The following LUC7L3 variants were observed in gnomAD, a reference collection of about 807,000 sequenced individuals.
The protein encoded by LUC7L3 is luc7-like protein 3.
A neutral mutation model predicts 66.8 loss-of-function variants in LUC7L3; 6 were observed. That is an observed-to-expected ratio of 0.09 (90% CI 0.05 to 0.18). LUC7L3 has a LOEUF of 0.18. Ranked by LOEUF, LUC7L3 falls within the 10% of genes least tolerant of loss-of-function variation. The probability of loss-of-function intolerance (pLI) is 1.00; values close to 1 mark genes in which losing one functional copy is unlikely to be tolerated. For missense variants in LUC7L3, 341 were observed against 531.1 expected, an observed-to-expected ratio of 0.64 and a Z score of 3.52; for synonymous variants, 160 against 174.7, an observed-to-expected ratio of 0.92 and a Z score of 0.66.
intron 1 of LUC7L3, among the ~76,000 whole-genome samples, chr17:50,728,403 T>C (rs959723233): frequency 3.3e-5 from 5 of 152,254 alleles, no homozygotes; most frequent in African/African-American, 1.2e-4. Flanking sequence ...ATAAATTCTT[T>C]TATTAAAAAT....
In LUC7L3 at chr17:50,724,611, TTGTGTGTGTGTG is replaced by T. The variant is rs58361696; in HGVS notation, c.99+4804_99+4815del. Among the ~76,000 whole-genome samples the T allele has an allele frequency of 2.8e-3, 406 of 147,266 alleles. 2 individuals are homozygous for T. Among genetic ancestry groups the T allele is most frequent in the South Asian group, 8.9e-3 (40 of 4,510 alleles). On this transcript the variant is annotated intron_variant, in intron 1 of 9. Coordinates refer to ENST00000505658, the MANE Select transcript of LUC7L3 (RefSeq NM_016424.5). ...TAAATCTTTGGTTGCTTTAGGAAAA[TTGTGTGTGTGTG>T]TGTGTGTGTGTGTGTGTGTGTGTCA...
In LUC7L3 at chr17:50,751,114, A is replaced by T; in HGVS notation, c.*453A>T. On this transcript the variant is annotated 3_prime_UTR_variant, in exon 10 of 10. Coordinates refer to ENST00000505658, the MANE Select transcript of LUC7L3 (RefSeq NM_016424.5). ...AAAAACTTAAATATTTCGGAGGCAC[A>T]TGTTGGACTACTTTGTTTTAATTAA... 2 of 1,452,010 alleles carry T rather than the reference A, an allele frequency of 1.4e-6. No individual in the cohort carries two copies. The highest frequency in any genetic ancestry group is 1.8e-6 in the Non-Finnish European group (2 of 1,110,874). 89.9% of individuals were successfully genotyped at this position (1,452,010 alleles called of 1,614,324 possible).
In LUC7L3 at chr17:50,755,463, TAAAAAG is replaced by T. The variant is rs1161060882; in HGVS notation, c.*4803_*4808del. 1 of 152,288 alleles carries T rather than the reference TAAAAAG, an allele frequency of 6.6e-6. No homozygotes were observed. Among genetic ancestry groups the T allele is most frequent in the Non-Finnish European group, 1.5e-5 (1 of 68,042 alleles). The allele number at this position is 152,288 out of a possible 1,614,324, so 9.4% of individuals were successfully genotyped here. A position where few individuals can be genotyped will look rare whatever the true frequency, so the allele number is the denominator to read the frequency against. ...CACTTTTAAGTTGAACCTGTAGTTT[TAAAAAG>T]TACATTTCAAGTAAGCCAAAGCAGA... On this transcript the variant is annotated 3_prime_UTR_variant, in exon 10 of 10. Transcript: ENST00000505658.
rs1267141078 is a variant in LUC7L3 at position 50,755,740 on chromosome 17, A to T, written c.*5079A>T. The T allele has an allele frequency of 6.6e-6, 1 of 152,246 alleles. No individual in the cohort carries two copies. The allele number at this position is 152,246 out of a possible 1,614,324, so 9.4% of individuals were successfully genotyped here. A position where few individuals can be genotyped will look rare whatever the true frequency, so the allele number is the denominator to read the frequency against. ...ACATACCCTAGAGAAACTCTTACAC[A>T]TGCGTACCAGGGGATGGATTTAAGC... On this transcript the variant is annotated 3_prime_UTR_variant, in exon 10 of 10. Coordinates refer to ENST00000505658, the MANE Select transcript of LUC7L3 (RefSeq NM_016424.5).
At chr17:50,736,695 G>GTT (rs2146734118) in intron 1 of LUC7L3, 1 of 354,126 alleles carries the variant, frequency 2.8e-6, no homozygotes, top group Non-Finnish European at 5.1e-6. Context: ...TCCCATATTT[G>GTT]TTTTTGCTAC....
In LUC7L3 at chr17:50,751,145, T is replaced by C; in HGVS notation, c.*484T>C. The C allele has an allele frequency of 6.8e-7, 1 of 1,474,146 alleles. No individual in the cohort carries two copies. The highest frequency in any genetic ancestry group is 8.9e-7 in the Non-Finnish European group (1 of 1,118,714). The allele number at this position is 1,474,146 out of a possible 1,614,324, so 91.3% of individuals were successfully genotyped here. A position where few individuals can be genotyped will look rare whatever the true frequency, so the allele number is the denominator to read the frequency against. On this transcript the variant is annotated 3_prime_UTR_variant, in exon 10 of 10. Coordinates refer to ENST00000505658, the MANE Select transcript of LUC7L3 (RefSeq NM_016424.5). ...GACTACTTTGTTTTAATTAAACTGCTAGTATTTCTTTGTCAAGGATGTTTC... is the reference window on the plus strand; with the variant it reads ...GACTACTTTGTTTTAATTAAACTGCCAGTATTTCTTTGTCAAGGATGTTTC...
At position 50,754,622 on chromosome 17, in the gene LUC7L3, TATC is replaced by T. The variant is rs1276407862; in HGVS notation, c.*3964_*3966del. The T allele has an allele frequency of 6.6e-6, 1 of 152,224 alleles. No individual in the cohort carries two copies. Among genetic ancestry groups the T allele is most frequent in the Admixed American group, 6.5e-5 (1 of 15,286 alleles). The allele number at this position is 152,224 out of a possible 1,614,324, so 9.4% of individuals were successfully genotyped here. On this transcript the variant is annotated 3_prime_UTR_variant, in exon 10 of 10. Coordinates refer to ENST00000505658, the MANE Select transcript of LUC7L3 (RefSeq NM_016424.5). ...TCCTCTGGAATGTAGAGATAATACA[TATC>T]ATGCTCCTTTTTGTTAAAACGTTTT...
At position 50,745,886 on chromosome 17, in the gene LUC7L3, G is replaced by C; in HGVS notation, c.860G>C (p.Arg287Thr). Residue 287 changes from arginine to threonine, a missense_variant, in exon 8 of 10, where the codon AGA becomes ACA. Arg to Thr is a moderately conservative substitution (Grantham distance 71). This residue lies in a region of LUC7L3 where 210 missense variants were observed against 238.1 expected (regional missense o/e 0.88). Coordinates refer to ENST00000505658, the MANE Select transcript of LUC7L3 (RefSeq NM_016424.5). ...EEREKERARD[R>T]ERRKRSRSRS... Reference sequence around the variant, plus strand: ...AGAGAAAAAGAAAGGGCTCGTGACAGAGAAAGAAGAAAGAGAAGTCGTTCA... The same window carrying C: ...AGAGAAAAAGAAAGGGCTCGTGACACAGAAAGAAGAAAGAGAAGTCGTTCA... 1.2e-6 allele frequency: 2 copies of C among 1,611,510 alleles called. No individual in the cohort carries two copies. Among genetic ancestry groups the C allele is most frequent in the Non-Finnish European group, 1.7e-6 (2 of 1,178,538 alleles).
At chr17:50,749,507 C>G (rs1326782378) in intron 9 of LUC7L3, among the ~76,000 whole-genome samples, 2 of 152,068 alleles carry the variant, frequency 1.3e-5, no homozygotes, top group Admixed American at 1.3e-4. Context: ...GAGTGGGTGC[C>G]CCTCCCATAC....
In LUC7L3 at chr17:50,744,654, A is replaced by C; in HGVS notation, c.534A>C (p.Thr178=). 6.2e-7 allele frequency: 1 copy of C among 1,608,226 alleles called. No individual in the cohort carries two copies. The highest frequency in any genetic ancestry group is 8.5e-7 in the Non-Finnish European group (1 of 1,178,472). The stretch of plus-strand genomic sequence containing the variant: ...AAATAACTGATTTATCATTTTAGAC[A>C]ATTGAAAGCTTTGCTGCACAAGAAA... ...ERELLRSTTS[T]IESFAAQEKQ... The change falls in exon 7 of 10, where the codon ACA becomes ACC. Residue 178 remains threonine, a splice_region_variant and synonymous_variant. Transcript: ENST00000505658.
At chr17:50,737,909 T>A (rs564935594) in intron 2 of LUC7L3, among the ~76,000 whole-genome samples, 2 of 152,320 alleles carry the variant, frequency 1.3e-5, no homozygotes, top group African/African-American at 4.8e-5. Flanking sequence ...ATAACCAGGA[T>A]CATTCTGGAT....
At chr17:50,735,426 G>A (rs188314868) in intron 1 of LUC7L3, among the ~76,000 whole-genome samples, 1 of 152,120 alleles carries the variant, frequency 6.6e-6, no homozygotes, top group Non-Finnish European at 1.5e-5. Flanking sequence ...AGAACTTTCA[G>A]GTTTAAATTT....
At position 50,751,339 on chromosome 17, in the gene LUC7L3, C is replaced by T. The variant is rs1221516467; in HGVS notation, c.*678C>T. The T allele has an allele frequency of 7.7e-7, 1 of 1,297,858 alleles. No individual in the cohort carries two copies. The allele number at this position is 1,297,858 out of a possible 1,614,324, so 80.4% of individuals were successfully genotyped here. On this transcript the variant is annotated 3_prime_UTR_variant, in exon 10 of 10. Coordinates refer to ENST00000505658, the MANE Select transcript of LUC7L3 (RefSeq NM_016424.5). ...GCCCATGAAAAGCCAAATTAAAAATCAAGGATTCAGTCAAACTAAGCAGGT... is the reference window on the plus strand; with the variant it reads ...GCCCATGAAAAGCCAAATTAAAAATTAAGGATTCAGTCAAACTAAGCAGGT...
rs1971063707 is a variant in LUC7L3, at chr17:50,753,972, C to G, written c.*3311C>G. 1 of 152,080 alleles carries G rather than the reference C, an allele frequency of 6.6e-6. No individual in the cohort carries two copies. The highest frequency in any genetic ancestry group is 1.9e-4 in the East Asian group (1 of 5,200). The allele number at this position is 152,080 out of a possible 1,614,324, so 9.4% of individuals were successfully genotyped here. A position where few individuals can be genotyped will look rare whatever the true frequency, so the allele number is the denominator to read the frequency against. On this transcript the variant is annotated 3_prime_UTR_variant, in exon 10 of 10. Transcript: ENST00000505658. ...CAGGACATCTATGACTAAGGCCTGG[C>G]TTTAGTTATGGAGAGAGACGTAGAA...
At chr17:50,724,322 C>A (rs1320480988) in intron 1 of LUC7L3, 3 of 155,772 alleles carry the variant, frequency 1.9e-5, no homozygotes, top group African/African-American at 4.8e-5. Flanking sequence ...GAGTTCGAGA[C>A]CAGCCTGGCC....
intron 1 of LUC7L3, among the ~76,000 whole-genome samples, chr17:50,728,407 TA>T (rs573036758): frequency 6.6e-6 from 1 of 152,214 alleles, no homozygotes; most frequent in Non-Finnish European, 1.5e-5. Context: ...ATTCTTTTAT[TA>T]AAAATTATTT....
intron 9 of LUC7L3, among the ~76,000 whole-genome samples, chr17:50,749,630 A>G (rs367545317): frequency 1.3e-4 from 20 of 152,292 alleles, no homozygotes; most frequent in African/African-American, 4.6e-4. Context: ...TTTTTGTCTA[A>G]TTAACTACTC....
At chr17:50,729,135 A>G (rs866738115) in intron 1 of LUC7L3, among the ~76,000 whole-genome samples, 9 of 152,216 alleles carry the variant, frequency 5.9e-5, no homozygotes, top group African/African-American at 2.2e-4. Context: ...AACATTTCTG[A>G]TATCAAACAT....
At chr17:50,721,259 G>A (rs952805864) in intron 1 of LUC7L3, among the ~76,000 whole-genome samples, 2 of 152,148 alleles carry the variant, frequency 1.3e-5, no homozygotes, top group African/African-American at 4.8e-5. Flanking sequence ...AGAGAAAAAT[G>A]CTTTCCATTG....
Sources: gnomAD v4.1 joint callset for allele counts (sites outside exome capture counted in the v4.1 genomes callset) on GRCh38, gnomAD v4.1.1 for gene constraint, gnomAD v4.1.1 regional missense constraint, MANE v1.5 for transcripts, NCBI Gene and HGNC (gene_info 2026-07-23, HGNC 2026-07-21) for gene names.